The following ABCA13 variants were observed in gnomAD, a reference collection of about 807,000 sequenced individuals.
ABCA13 encodes the protein ATP binding cassette subfamily A member 13.
Under a neutral mutation model 478.7 loss-of-function variants are expected in ABCA13, and 476 were observed. The observed-to-expected ratio is 0.99, with a 90% CI of 0.92 to 1.07. The LOEUF (loss-of-function observed/expected upper bound fraction) is 1.07, where lower values mean the gene tolerates loss of function less well. Ranked by LOEUF, ABCA13 falls within the 50% of genes least tolerant of loss-of-function variation. ABCA13 has a pLI of 0.00. For missense variants in ABCA13, 6,060 were observed against 5,910.6 expected (o/e 1.03, Z -0.83); for synonymous variants, 2,252 against 2,158.9 (o/e 1.04, Z -1.20).
intron 9 of ABCA13, 21 bp downstream of exon 9, chr7:48,239,426 G>A: frequency 6.3e-7 from 1 of 1,598,654 alleles, no homozygotes; most frequent in Non-Finnish European, 8.5e-7. Flanking sequence ...CTCTCTCTAT[G>A]TTCTGTTCAA....
intron 58 of ABCA13, among the ~76,000 whole-genome samples, chr7:48,612,671 C>T (rs1792142350): frequency 6.6e-6 from 1 of 152,196 alleles, no homozygotes; most frequent in South Asian, 2.1e-4. Flanking sequence ...GAAACATTAA[C>T]CTGTTTCCAG....
chr7:48,289,830 T>C (rs765758709), intron 20 of ABCA13, among the ~76,000 whole-genome samples: 9 of 152,182 alleles, frequency 5.9e-5, no homozygotes, highest in Admixed American at 3.3e-4. Flanking sequence ...AGAGCAGAAG[T>C]TCCTGTCTTT....
At chr7:48,304,127 A>G (rs1363941844) in intron 23 of ABCA13, among the ~76,000 whole-genome samples, 1 of 152,224 alleles carries the variant, frequency 6.6e-6, no homozygotes, top group African/African-American at 2.4e-5. Flanking sequence ...ATTCTTCAAG[A>G]ATTGACATTA....
chr7:48,435,046 A>G (rs1239513803), intron 42 of ABCA13, among the ~76,000 whole-genome samples: 3 of 151,860 alleles, frequency 2.0e-5, no homozygotes, highest in African/African-American at 7.2e-5. Context: ...CCAAAATGTC[A>G]TTAGAAACTT....
chr7:48,278,674 C>T lies in ABCA13; in HGVS notation c.7480C>T (p.Pro2494Ser). 6.8e-6 allele frequency: 11 copies of T among 1,613,578 alleles called. No individual in the cohort carries two copies. The highest frequency in any genetic ancestry group is 9.3e-6 in the Non-Finnish European group (11 of 1,179,526). The change falls in exon 18 of 62, where the codon CCC becomes TCC. Residue 2494 changes from proline (P) to serine (S), a missense_variant. Coordinates refer to ENST00000435803, the MANE Select transcript of ABCA13 (RefSeq NM_152701.5). ...AAGTGAAGAAAGTCACGTCCTGAAA[C>T]CCCTCTTAGAAATGTCTGGGACTCT... ...RASEESHVLK[P>S]LLEMSGTLVM...
chr7:48,316,979 A>C (rs144808375), intron 26 of ABCA13, among the ~76,000 whole-genome samples, 178 bp from the exon 27 acceptor site: 1 of 152,252 alleles, frequency 6.6e-6, no homozygotes, highest in African/African-American at 2.4e-5. Flanking sequence ...TCAAATTTCA[A>C]CTTGAGGTTT....
At chr7:48,620,123 C>G (rs546769811) in intron 59 of ABCA13, among the ~76,000 whole-genome samples, 40 of 152,138 alleles carry the variant, frequency 2.6e-4, no homozygotes, top group African/African-American at 8.7e-4. Context: ...CCACATGGAG[C>G]TCTGAGGAGG....
chr7:48,621,527 T>A (rs1247360862), intron 59 of ABCA13, among the ~76,000 whole-genome samples: 3 of 152,176 alleles, frequency 2.0e-5, no homozygotes, highest in African/African-American at 4.8e-5. Context: ...CTGAAATGTT[T>A]AGGTTTTAGT....
At position 48,279,041 on chromosome 7, in the gene ABCA13, G is replaced by A; in HGVS notation, c.7847G>A (p.Ser2616Asn). ...ATATCATCAAACTCTGATATTTTCAGTATGTCACCTAGCATACTCTCATAT... is the reference window on the plus strand; with the variant it reads ...ATATCATCAAACTCTGATATTTTCAATATGTCACCTAGCATACTCTCATAT... ...PYISSNSDIF[S>N]MSPSILSYMN... Residue 2616 changes from serine (S) to asparagine (N), a missense_variant, in exon 18 of 62, where the codon AGT (serine) becomes AAT (asparagine). By Grantham distance (46) the Ser-to-Asn change is conservative. Transcript: ENST00000435803. 1 of 1,613,160 alleles carries A rather than the reference G, an allele frequency of 6.2e-7. No individual in the cohort carries two copies. The highest frequency in any genetic ancestry group is 2.2e-5 in the East Asian group (1 of 44,844).
At position 48,272,597 on chromosome 7, in the gene ABCA13, T is replaced by A. The variant is rs1795765518; in HGVS notation, c.2931T>A (p.Asn977Lys). The change falls in exon 17 of 62, where the codon AAT becomes AAA. Residue 977 changes from asparagine to lysine, a missense_variant. Physicochemically the swap from Asn to Lys is moderately conservative, Grantham distance 94. Transcript: ENST00000435803. ...SFYRYIYELLNIQSRGSSLTF... is the reference protein window; with the variant it reads ...SFYRYIYELLKIQSRGSSLTF... ...ACCGATATATTTATGAATTATTGAA[T>A]ATTCAGAGTAGAGGCTCTTCGTTGA... 6.2e-7 allele frequency: 1 copy of A among 1,613,284 alleles called. No homozygotes were observed. The highest frequency in any genetic ancestry group is 1.3e-5 in the African/African-American group (1 of 74,934).
chr7:48,295,017 A>G (rs1584694681), intron 20 of ABCA13, among the ~76,000 whole-genome samples: 1 of 152,232 alleles, frequency 6.6e-6, no homozygotes, highest in East Asian at 1.9e-4. Context: ...TCTTTGGGAC[A>G]TAATTTCATT....
Position 48,234,036 on chromosome 7 carries a change from C to T in ABCA13, c.782C>T (p.Ser261Phe). 6.2e-7 allele frequency: 1 copy of T among 1,613,974 alleles called. No individual in the cohort carries two copies. Among genetic ancestry groups the T allele is most frequent in the Non-Finnish European group, 8.5e-7 (1 of 1,179,880 alleles). Reference sequence around the variant, plus strand: ...CCAACAGAGCCAGTTTACCACCTGTCCATGCAGAATATAGTGTGGGATCCA... The same window carrying T: ...CCAACAGAGCCAGTTTACCACCTGTTCATGCAGAATATAGTGTGGGATCCA... The part of the protein sequence containing the change: ...VAVTEPVYHL[S>F]MQNIVWDPQK... Residue 261 changes from serine (S) to phenylalanine (F), a missense_variant, in exon 8 of 62, where the codon TCC becomes TTC. Physicochemically the swap from Ser to Phe is radical, Grantham distance 155. Coordinates refer to ENST00000435803, the MANE Select transcript of ABCA13 (RefSeq NM_152701.5).
At chr7:48,266,673 C>T (rs1379345138) in intron 15 of ABCA13, among the ~76,000 whole-genome samples, 1 of 151,694 alleles carries the variant, frequency 6.6e-6, no homozygotes, top group African/African-American at 2.4e-5. Context: ...TCATTTTTCT[C>T]TAATGTTTTT....
At chr7:48,501,476 CTATGACAATCATGTAAAT>C (rs1311697331) in intron 48 of ABCA13, among the ~76,000 whole-genome samples, 5 of 152,112 alleles carry the variant, frequency 3.3e-5, no homozygotes, top group African/African-American at 1.2e-4. Context: ...AATATTTACT[CTATGACAATCATGTAAAT>C]TATAGGACTC....
rs1256445129 is a variant in ABCA13, at chr7:48,274,196, CTT to C, written c.4532_4533del (p.Phe1511Ter). The C allele has an allele frequency of 6.2e-7, 1 of 1,612,446 alleles. No individual in the cohort carries two copies. Among genetic ancestry groups the C allele is most frequent in the Admixed American group, 1.7e-5 (1 of 59,792 alleles). The part of the protein sequence containing the change: ...RMSINNLTTD[F>X]DFASQSNWRY... ...TGAGTATCAACAACTTAACAACAGACTTTGATTTTGCATCTCAGTCCAATTGG... is the reference window on the plus strand; with the variant it reads ...TGAGTATCAACAACTTAACAACAGACTGATTTTGCATCTCAGTCCAATTGG... On this transcript the variant is annotated frameshift_variant, in exon 17 of 62. Coordinates refer to ENST00000435803, the MANE Select transcript of ABCA13 (RefSeq NM_152701.5). LOFTEE classifies it high-confidence loss of function.
chr7:48,381,973 G>C (rs188654025), intron 35 of ABCA13, among the ~76,000 whole-genome samples: 78 of 152,346 alleles, frequency 5.1e-4, no homozygotes, highest in African/African-American at 1.8e-3. Context: ...GCAGCTCTCT[G>C]CTTTAGTTAG....
intron 23 of ABCA13, among the ~76,000 whole-genome samples, chr7:48,301,521 CT>C (rs941085351): frequency 5.3e-4 from 77 of 145,190 alleles, no homozygotes; most frequent in South Asian, 4.4e-4. Context: ...TTTGCTCATT[CT>C]TTTTTTTTTT....
intron 26 of ABCA13, 138 bp from the exon 27 acceptor site, chr7:48,317,019 C>T (rs1378708959): frequency 1.9e-6 from 2 of 1,050,720 alleles, no homozygotes; most frequent in Non-Finnish European, 2.7e-6. Flanking sequence ...CTATAGCACT[C>T]CCAAAGTTCA....
At chr7:48,574,536 A>G (rs1787976776) in intron 55 of ABCA13, among the ~76,000 whole-genome samples, 1 of 152,136 alleles carries the variant, frequency 6.6e-6, no homozygotes, top group Non-Finnish European at 1.5e-5. Flanking sequence ...CATTACTCAT[A>G]CATTAATGAA....
Sources: gnomAD v4.1 joint callset for allele counts (sites outside exome capture counted in the v4.1 genomes callset) on GRCh38, gnomAD v4.1.1 for gene constraint, MANE v1.5 for transcripts, NCBI Gene and HGNC (gene_info 2026-07-23, HGNC 2026-07-21) for gene names.